The following GABRB2 variants were observed in gnomAD, a reference collection of about 807,000 sequenced individuals.
GABRB2 encodes the protein gamma-aminobutyric acid type A receptor subunit beta2.
A neutral mutation model predicts 54.7 loss-of-function variants in GABRB2; 16 were observed. The observed-to-expected ratio is 0.29, with a 90% CI of 0.20 to 0.44. The LOEUF (loss-of-function observed/expected upper bound fraction) is 0.44, where lower values mean the gene tolerates loss of function less well. GABRB2 is among the 20% of genes least tolerant of loss of function. The pLI is 1.00. For missense variants in GABRB2, 355 were observed against 644.0 expected, an observed-to-expected ratio of 0.55 and a Z score of 4.86; for synonymous variants, 244 against 233.8, an observed-to-expected ratio of 1.04 and a Z score of -0.40.
Position 161,294,014 on chromosome 5 carries a change from C to A in GABRB2, c.*67G>T. On this transcript the variant is annotated 3_prime_UTR_variant, in exon 10 of 10. Coordinates refer to ENST00000393959, the MANE Select transcript of GABRB2 (RefSeq NM_001371727.1). ...TCCTGGATTGATGTGTTTTCCAAGT[C>A]CTACATCAGGCTGTACAACTGGTTT... 2 of 1,222,020 alleles carry A rather than the reference C, an allele frequency of 1.6e-6. No individual in the cohort carries two copies. Among genetic ancestry groups the A allele is most frequent in the South Asian group, 1.4e-5 (1 of 72,012 alleles). The allele number at this position is 1,222,020 out of a possible 1,614,324, so 75.7% of individuals were successfully genotyped here. A position where few individuals can be genotyped will look rare whatever the true frequency, so the allele number is the denominator to read the frequency against.
chr5:161,527,602 T>C (rs1018172480), intron 3 of GABRB2, among the ~76,000 whole-genome samples: 2 of 151,220 alleles, frequency 1.3e-5, no homozygotes, highest in African/African-American at 2.4e-5. Flanking sequence ...CCTTAATACA[T>C]AAAAAGTTAC....
chr5:161,373,652 G>GA (rs538072330), intron 5 of GABRB2, among the ~76,000 whole-genome samples: 1 of 152,162 alleles, frequency 6.6e-6, no homozygotes, highest in Non-Finnish European at 1.5e-5. Flanking sequence ...AAGAAGATGG[G>GA]AAACTAAAGT....
At chr5:161,508,578 T>C (rs1759675446) in intron 3 of GABRB2, among the ~76,000 whole-genome samples, 1 of 151,880 alleles carries the variant, frequency 6.6e-6, no homozygotes, top group Non-Finnish European at 1.5e-5. Context: ...AACAAGTAGA[T>C]AGACATTAAA....
At chr5:161,423,423 A>G (rs1465055775) in intron 4 of GABRB2, among the ~76,000 whole-genome samples, 1 of 152,172 alleles carries the variant, frequency 6.6e-6, no homozygotes, top group Non-Finnish European at 1.5e-5. Context: ...ATTTTCTTCC[A>G]AATCATGTGC....
intron 5 of GABRB2, among the ~76,000 whole-genome samples, chr5:161,386,855 A>G (rs1755655090): frequency 6.6e-6 from 1 of 151,406 alleles, no homozygotes; most frequent in Non-Finnish European, 1.5e-5. Context: ...ATTGTTTAGT[A>G]GCAAAACATC....
intron 3 of GABRB2, among the ~76,000 whole-genome samples, chr5:161,542,508 C>T (rs1760853024): frequency 6.6e-6 from 1 of 152,172 alleles, no homozygotes; most frequent in African/African-American, 2.4e-5. Flanking sequence ...CTGTGAATAT[C>T]CTCAGGATGA....
At chr5:161,426,075 A>T (rs888687457) in intron 4 of GABRB2, among the ~76,000 whole-genome samples, 1 of 152,130 alleles carries the variant, frequency 6.6e-6, no homozygotes, top group Non-Finnish European at 1.5e-5. Flanking sequence ...AACAGTGAGG[A>T]GTGGGAGCAC....
chr5:161,512,337 A>G (rs1252879902), intron 3 of GABRB2, among the ~76,000 whole-genome samples: 1 of 151,964 alleles, frequency 6.6e-6, no homozygotes, highest in Non-Finnish European at 1.5e-5. Context: ...AACTTCAAAC[A>G]ATACCATAAG....
intron 8 of GABRB2, among the ~76,000 whole-genome samples, chr5:161,327,699 G>A (rs911924783): frequency 3.9e-5 from 6 of 152,022 alleles, no homozygotes; most frequent in South Asian, 2.1e-4. Context: ...CCTGACCTCA[G>A]GACAGAGCAC....
chr5:161,318,819 C>T (rs1475012333), intron 9 of GABRB2, among the ~76,000 whole-genome samples: 2 of 151,732 alleles, frequency 1.3e-5, no homozygotes, highest in Non-Finnish European at 2.9e-5. Flanking sequence ...AAAAACTGAT[C>T]GCTTATAAAT....
At chr5:161,542,504 A>G (rs1760852559) in intron 3 of GABRB2, among the ~76,000 whole-genome samples, 1 of 152,212 alleles carries the variant, frequency 6.6e-6, no homozygotes, top group African/African-American at 2.4e-5. Flanking sequence ...CTATCTGTGA[A>G]TATCCTCAGG....
chr5:161,400,285 T>C (rs1337070064), intron 5 of GABRB2, among the ~76,000 whole-genome samples: 1 of 152,126 alleles, frequency 6.6e-6, no homozygotes, highest in Non-Finnish European at 1.5e-5. Flanking sequence ...CTAAAAATGA[T>C]AAGAAATCTG....
intron 9 of GABRB2, among the ~76,000 whole-genome samples, chr5:161,306,016 A>C (rs1757681608): frequency 6.6e-6 from 1 of 152,238 alleles, no homozygotes; most frequent in African/African-American, 2.4e-5. Flanking sequence ...GATCATGTTA[A>C]GTTTCAAGAT....
At chr5:161,477,173 G>A (rs1758616559) in intron 3 of GABRB2, among the ~76,000 whole-genome samples, 1 of 150,666 alleles carries the variant, frequency 6.6e-6, no homozygotes, top group Non-Finnish European at 1.5e-5. Flanking sequence ...ACAAGCATAT[G>A]TATATATTCT....
intron 9 of GABRB2, among the ~76,000 whole-genome samples, chr5:161,320,175 T>C (rs576617116): frequency 6.6e-6 from 1 of 152,010 alleles, no homozygotes; most frequent in Admixed American, 6.5e-5. Flanking sequence ...AGGTATTTTG[T>C]TGCTGAACTT....
intron 4 of GABRB2, among the ~76,000 whole-genome samples, chr5:161,439,297 A>T (rs1057058662): frequency 1.3e-5 from 2 of 152,218 alleles, no homozygotes; most frequent in Non-Finnish European, 2.9e-5. Context: ...TGTGTATCCA[A>T]TGACAATATC....
intron 5 of GABRB2, among the ~76,000 whole-genome samples, chr5:161,410,179 T>C (rs1263564934): frequency 6.6e-6 from 1 of 152,154 alleles, no homozygotes; most frequent in African/African-American, 2.4e-5. Flanking sequence ...AAATAAAGTA[T>C]GGAAACATTG....
chr5:161,350,069 T>C (rs1754429601), intron 5 of GABRB2, among the ~76,000 whole-genome samples: 1 of 152,082 alleles, frequency 6.6e-6, no homozygotes, highest in Admixed American at 6.6e-5. Context: ...GTCAGAACAA[T>C]AATGGCTGTC....
At chr5:161,377,970 T>C (rs1449271048) in intron 5 of GABRB2, among the ~76,000 whole-genome samples, 1 of 152,128 alleles carries the variant, frequency 6.6e-6, no homozygotes, top group African/African-American at 2.4e-5. Context: ...ATAATTTGTC[T>C]AAATGTATTA....
Sources: gnomAD v4.1 joint callset for allele counts (sites outside exome capture counted in the v4.1 genomes callset) on GRCh38, gnomAD v4.1.1 for gene constraint, MANE v1.5 for transcripts, NCBI Gene and HGNC (gene_info 2026-07-23, HGNC 2026-07-21) for gene names.